The following SHISA9 variants were observed in gnomAD, a reference collection of about 807,000 sequenced individuals.
SHISA9 encodes protein shisa-9.
A neutral mutation model predicts 38.0 loss-of-function variants in SHISA9; 13 were observed. That is an observed-to-expected ratio of 0.34 (90% CI 0.22 to 0.54). SHISA9 has a LOEUF of 0.54. Among genes scored for constraint, SHISA9 ranks in the 20% least tolerant of loss-of-function variants. The pLI is 0.91. For missense variants in SHISA9, 538 were observed against 575.8 expected (o/e 0.93, Z 0.67); for synonymous variants, 275 against 242.0 (o/e 1.14, Z -1.27).
At chr16:13,234,234 T>G (rs1383718007) in intron 4 of SHISA9, among the ~76,000 whole-genome samples, 1 of 152,130 alleles carries the variant, frequency 6.6e-6, no homozygotes, top group East Asian at 1.9e-4. Flanking sequence ...TATTAATAAT[T>G]TATAACAACA....
intron 2 of SHISA9, among the ~76,000 whole-genome samples, chr16:13,203,028 G>C (rs1424862137): frequency 2.6e-5 from 4 of 152,144 alleles, no homozygotes; most frequent in African/African-American, 9.7e-5. Context: ...CAAAGGAATG[G>C]CTTCTCATTG....
intron 2 of SHISA9, among the ~76,000 whole-genome samples, chr16:13,164,621 C>CAT (rs1167673866): frequency 5.3e-5 from 8 of 152,100 alleles, no homozygotes; most frequent in Non-Finnish European, 4.4e-5. Flanking sequence ...CTAATGTGAG[C>CAT]ATTTATGCTA....
At chr16:12,928,426 G>C (rs1471431749) in intron 2 of SHISA9, among the ~76,000 whole-genome samples, 1 of 152,084 alleles carries the variant, frequency 6.6e-6, no homozygotes, top group Non-Finnish European at 1.5e-5. Flanking sequence ...AGAAGCATGA[G>C]CTTCCCTTAA....
At chr16:13,551,375 C>T in the SHISA9 span, among the ~76,000 whole-genome samples, 1 of 152,122 alleles carries the variant, frequency 6.6e-6, no homozygotes, top group African/African-American at 2.4e-5. Flanking sequence ...TGTGGGTATT[C>T]GTATGCATCC....
the SHISA9 span, among the ~76,000 whole-genome samples, chr16:13,465,088 G>C: frequency 6.6e-6 from 1 of 152,134 alleles, no homozygotes; most frequent in Non-Finnish European, 1.5e-5. Context: ...TTAACATTTT[G>C]GAAGAAATAA....
At chr16:13,434,620 G>A in the SHISA9 span, among the ~76,000 whole-genome samples, 5 of 151,888 alleles carry the variant, frequency 3.3e-5, no homozygotes, top group African/African-American at 7.3e-5. Context: ...GGGTTTCACC[G>A]TGTTAGCCAG....
the SHISA9 span, among the ~76,000 whole-genome samples, chr16:13,268,465 T>C: frequency 0.56 from 85,792 of 151,970 alleles, 24,727 homozygotes; most frequent in African/African-American, 0.66. Flanking sequence ...GCCAAGATCG[T>C]GCCATTGCAC....
At chr16:13,286,701 G>A in the SHISA9 span, among the ~76,000 whole-genome samples, 4 of 152,158 alleles carry the variant, frequency 2.6e-5, no homozygotes, top group Non-Finnish European at 4.4e-5. Context: ...CTCATTTGCA[G>A]ATCAAAAGTA....
intron 2 of SHISA9, among the ~76,000 whole-genome samples, chr16:13,090,015 T>C (rs555705697): frequency 5.3e-4 from 80 of 152,346 alleles, no homozygotes; most frequent in Non-Finnish European, 7.6e-4. Flanking sequence ...TTGTTCTCAT[T>C]GGTTTCAAAG....
At chr16:13,260,163 C>T in the SHISA9 span, among the ~76,000 whole-genome samples, 3 of 151,318 alleles carry the variant, frequency 2.0e-5, no homozygotes, top group African/African-American at 4.9e-5. Flanking sequence ...ACTACAGGCA[C>T]CCACCACCAT....
chr16:13,362,247 C>G, the SHISA9 span, among the ~76,000 whole-genome samples: 2 of 142,586 alleles, frequency 1.4e-5, no homozygotes, highest in South Asian at 4.5e-4. Context: ...CAAACAACAA[C>G]AACAGCAACA....
chr16:12,951,209 A>G (rs1172160753), intron 2 of SHISA9, among the ~76,000 whole-genome samples: 1 of 125,666 alleles, frequency 8.0e-6, no homozygotes, highest in Non-Finnish European at 1.6e-5. Context: ...TGACAGAGCA[A>G]GACTCCTTCT....
At chr16:13,424,466 C>T in the SHISA9 span, among the ~76,000 whole-genome samples, 2 of 152,186 alleles carry the variant, frequency 1.3e-5, no homozygotes, top group African/African-American at 2.4e-5. Flanking sequence ...AGCAGAAGGT[C>T]AATGCCTGAC....
chr16:13,061,013 T>C (rs560515390), intron 2 of SHISA9, among the ~76,000 whole-genome samples: 7 of 152,272 alleles, frequency 4.6e-5, no homozygotes, highest in African/African-American at 1.4e-4. Context: ...GTGCATGGTA[T>C]GGGGATCGGG....
chr16:13,341,898 C>T, the SHISA9 span, among the ~76,000 whole-genome samples: 1 of 152,184 alleles, frequency 6.6e-6, no homozygotes, highest in African/African-American at 2.4e-5. Flanking sequence ...CTGTTCCAAT[C>T]CTTTTCTGTG....
chr16:13,477,471 G>T, the SHISA9 span, among the ~76,000 whole-genome samples: 4 of 152,182 alleles, frequency 2.6e-5, no homozygotes, highest in Admixed American at 2.6e-4. Flanking sequence ...GCAAGTGCAG[G>T]GAACTATGAT....
chr16:13,554,737 C>A, the SHISA9 span, among the ~76,000 whole-genome samples: 2 of 152,172 alleles, frequency 1.3e-5, no homozygotes, highest in African/African-American at 4.8e-5. Context: ...GGTGATCCAC[C>A]TGCTTCGGCC....
At chr16:13,054,592 T>C (rs1330319123) in intron 2 of SHISA9, among the ~76,000 whole-genome samples, 38 of 152,226 alleles carry the variant, frequency 2.5e-4, no homozygotes, top group Non-Finnish European at 1.5e-5. Context: ...TGACTTATTT[T>C]CAGGGCAACA....
At chr16:12,912,272 G>C (rs2071194850) in intron 1 of SHISA9, among the ~76,000 whole-genome samples, 1 of 152,164 alleles carries the variant, frequency 6.6e-6, no homozygotes, top group African/African-American at 2.4e-5. Context: ...TCTAGGAAGG[G>C]CTGCCCTGGG....
Sources: allele counts gnomAD v4.1 joint callset (sites outside exome capture counted in the v4.1 genomes callset), GRCh38; gene constraint gnomAD v4.1.1; transcripts MANE v1.5; gene names NCBI Gene and HGNC (gene_info 2026-07-23, HGNC 2026-07-21).